PTDSS2: variants seen among roughly 807,000 people sequenced by gnomAD.
PTDSS2 encodes the protein phosphatidylserine synthase 2.
In PTDSS2, 41 loss-of-function variants were observed where a neutral mutation model predicts 64.7. The ratio of observed to expected loss-of-function variants is 0.63; its 90% CI spans 0.49 to 0.82. The LOEUF is 0.82. PTDSS2 is among the 40% of genes least tolerant of loss of function. The probability of loss-of-function intolerance (pLI) is 0.00; values close to 1 mark genes in which losing one functional copy is unlikely to be tolerated. For synonymous variants in PTDSS2, 297 were observed against 277.8 expected, an observed-to-expected ratio of 1.07 and a Z score of -0.69; for missense variants, 485 against 650.0, an observed-to-expected ratio of 0.75 and a Z score of 2.76.
chr11:474,405 G>A (rs570901050), intron 3 of PTDSS2, among the ~76,000 whole-genome samples: 18 of 141,684 alleles, frequency 1.3e-4, no homozygotes, highest in Non-Finnish European at 2.3e-4. Context: ...GGGTGAGGGC[G>A]CCAGATGGGG....
At chr11:475,294 G>GTGTGATATGGACATATTCACGCTTT (rs1847728703) in intron 3 of PTDSS2, among the ~76,000 whole-genome samples, 2 of 149,424 alleles carry the variant, frequency 1.3e-5, no homozygotes, top group African/African-American at 5.0e-5. Context: ...TCACGCGTTT[G>GTGTGATATGGACATATTCACGCTTT]TGTGATACGG....
chr11:457,993 T>G (rs1194937140), intron 1 of PTDSS2, among the ~76,000 whole-genome samples: 1 of 152,210 alleles, frequency 6.6e-6, no homozygotes, highest in African/African-American at 2.4e-5. Flanking sequence ...TGTGATGCTT[T>G]TAATTTCAGC....
At chr11:450,192 A>C (rs965691985), upstream of PTDSS2, 13 of 343,006 alleles carry the variant, frequency 3.8e-5, no homozygotes, top group Non-Finnish European at 5.8e-5. Flanking sequence ...CCCAGCAACC[A>C]GGCGTCATCC....
Position 455,815 on chromosome 11 carries a change from G to A in PTDSS2, c.183-4372G>A, listed in dbSNP as rs186973235. Among the ~76,000 whole-genome samples, 315 of 152,326 alleles carry A rather than the reference G, an allele frequency of 2.1e-3. 2 individuals carry two copies. Among genetic ancestry groups the A allele is most frequent in the African/African-American group, 7.1e-3 (297 of 41,568 alleles). ...TCCCTCTTTTGTTTTTCTCTATAACGTGTAGGGTTTCTTAGCTCTCCTGTA... is the reference window on the plus strand; with the variant it reads ...TCCCTCTTTTGTTTTTCTCTATAACATGTAGGGTTTCTTAGCTCTCCTGTA... On this transcript the variant is annotated intron_variant, in intron 1 of 11. Coordinates refer to ENST00000308020, the MANE Select transcript of PTDSS2 (RefSeq NM_030783.3).
chr11:479,442 A>C lies in PTDSS2; in HGVS notation c.435+290A>C. On this transcript the variant is annotated intron_variant, in intron 4 of 11. Transcript: ENST00000308020. The surrounding 1 kb of genome is among the most constrained non-coding windows in gnomAD (Gnocchi z 4.2). ...GTGGCCATTTAGCAGGGCCACACTT[A>C]AGGAGGGCAGGGCCAGTGGTGCAGG... 1 of 512,534 alleles carries C rather than the reference A, an allele frequency of 2.0e-6. No homozygotes were observed. 31.7% of individuals were successfully genotyped at this position (512,534 alleles called of 1,614,324 possible).
chr11:454,087 G>A (rs1029456775), intron 1 of PTDSS2, among the ~76,000 whole-genome samples: 3 of 152,248 alleles, frequency 2.0e-5, no homozygotes, highest in Admixed American at 1.3e-4. Flanking sequence ...TCACTTCCAA[G>A]ATGTGTAGAC....
intron 5 of PTDSS2, 67 bp from the exon 6 acceptor site, chr11:487,353 A>G: frequency 3.5e-6 from 5 of 1,433,584 alleles, no homozygotes; most frequent in Non-Finnish European, 4.9e-6. Context: ...GTGTGGGCTG[A>G]TCTGCCGGTG....
upstream of PTDSS2, among the ~76,000 whole-genome samples, chr11:449,954 G>T (rs1846240153): frequency 6.6e-6 from 1 of 152,176 alleles, no homozygotes; most frequent in South Asian, 2.1e-4. Flanking sequence ...TCTCAAAAAG[G>T]AATGACCCGG....
intron 1 of PTDSS2, among the ~76,000 whole-genome samples, chr11:452,664 G>A (rs948339421): frequency 4.6e-5 from 7 of 152,224 alleles, no homozygotes; most frequent in East Asian, 1.9e-4. Context: ...CCCTGTCCCT[G>A]TAGAGACGCA....
chr11:482,793 C>T (rs1564987933), intron 4 of PTDSS2, among the ~76,000 whole-genome samples: 1 of 150,112 alleles, frequency 6.7e-6, no homozygotes, highest in Non-Finnish European at 1.5e-5. Context: ...GTAGATCTCC[C>T]TACCGAGTGG....
chr11:460,004 C>T lies in PTDSS2; in HGVS notation c.183-183C>T. 1 of 589,962 alleles carries T rather than the reference C, an allele frequency of 1.7e-6. No individual in the cohort carries two copies. 36.5% of individuals were successfully genotyped at this position (589,962 alleles called of 1,614,324 possible). A position where few individuals can be genotyped will look rare whatever the true frequency, so the allele number is the denominator to read the frequency against. ...GGGGCTGGTCTCAGCCCTGACTGGC[C>T]AGCAGACGCAGGGTCATCTCGGAGT... is the stretch of plus-strand genomic sequence containing the variant. On this transcript the variant is annotated intron_variant, in intron 1 of 11. Transcript: ENST00000308020. The surrounding 1 kb of genome is among the most constrained non-coding windows in gnomAD (Gnocchi z 5.8).
rs150350257 is a variant in PTDSS2 at position 462,708 on chromosome 11, G to T, written c.284+2420G>T. On this transcript the variant is annotated intron_variant, in intron 2 of 11. Coordinates refer to ENST00000308020, the MANE Select transcript of PTDSS2 (RefSeq NM_030783.3). This position sits in a 1 kb window ranked among gnomAD's most constrained non-coding sequence, Gnocchi z 4.5. Reference sequence around the variant, plus strand: ...ACACCAGAAGCCCAGCTCCTGGGCAGCCACCCTACCTGCCCCTACGCAGGG... The same window carrying T: ...ACACCAGAAGCCCAGCTCCTGGGCATCCACCCTACCTGCCCCTACGCAGGG... 3.9e-5 allele frequency among the ~76,000 whole-genome samples: 6 copies of T among 152,298 alleles called. No homozygotes were observed. The highest frequency in any genetic ancestry group is 6.8e-3 in the Middle Eastern group (2 of 294).
In PTDSS2 at chr11:479,603, G is replaced by C. The variant is rs1041980472; in HGVS notation, c.435+451G>C. On this transcript the variant is annotated intron_variant, in intron 4 of 11. Coordinates refer to ENST00000308020, the MANE Select transcript of PTDSS2 (RefSeq NM_030783.3). The surrounding 1 kb of genome is among the most constrained non-coding windows in gnomAD (Gnocchi z 4.2). ...TGCGATGCAGGCCAGCGTCTGCATG[G>C]CCGGGGCAAATCTGGGCCTCAGAGG... Among the ~76,000 whole-genome samples, 4 of 152,262 alleles carry C rather than the reference G, an allele frequency of 2.6e-5. No homozygotes were observed. The highest frequency in any genetic ancestry group is 9.6e-5 in the African/African-American group (4 of 41,470).
At chr11:489,300 C>T in intron 8 of PTDSS2, 100 bp from the exon 9 acceptor site, 3 of 983,834 alleles carry the variant, frequency 3.0e-6, no homozygotes, top group Admixed American at 2.0e-5. Context: ...TCCGATGGCA[C>T]AGGGCGGGGC....
chr11:487,980 G>A (rs1218945939), intron 6 of PTDSS2, among the ~76,000 whole-genome samples: 2 of 151,936 alleles, frequency 1.3e-5, no homozygotes, highest in Non-Finnish European at 2.9e-5. Flanking sequence ...GCTGCCAGCC[G>A]GGGTGGGGGC....
intron 4 of PTDSS2, among the ~76,000 whole-genome samples, chr11:484,623 G>A (rs2133827146): frequency 6.6e-6 from 1 of 151,830 alleles, no homozygotes; most frequent in Admixed American, 6.5e-5. Context: ...GCAGGCATCT[G>A]TAAACAGTGC....
chr11:450,486 G>T lies in PTDSS2; in HGVS notation c.31G>T (p.Gly11Cys), dbSNP rs1846264992. 3.2e-6 allele frequency: 4 copies of T among 1,235,058 alleles called. No homozygotes were observed. The highest frequency in any genetic ancestry group is 3.1e-5 in the African/African-American group (2 of 64,208). 76.5% of individuals were successfully genotyped at this position (1,235,058 alleles called of 1,614,324 possible). A position where few individuals can be genotyped will look rare whatever the true frequency, so the allele number is the denominator to read the frequency against. The change falls in exon 1 of 12, where the codon GGT becomes TGT. Residue 11 changes from glycine to cysteine, a missense_variant. By Grantham distance (159) the Gly-to-Cys change is radical. Coordinates refer to ENST00000308020, the MANE Select transcript of PTDSS2 (RefSeq NM_030783.3). ...GAGGGGCGAGCGCAGGGACGCCGGA[G>T]GTCCGCGGCCCGAGTCCCCGGTGCC... MRRGERRDAG[G>C]PRPESPVPAG...
At chr11:463,978 CTTTTTCTTTTT>C (rs1370039821) in intron 2 of PTDSS2, 8 of 151,494 alleles carry the variant, frequency 5.3e-5, no homozygotes, top group African/African-American at 1.5e-4. Flanking sequence ...GGATGATTTT[CTTTTTCTTTTT>C]TTTTTCTTTT....
intron 1 of PTDSS2, among the ~76,000 whole-genome samples, chr11:454,363 C>T (rs7945673): frequency 0.032 from 4,903 of 152,248 alleles, 276 homozygotes; most frequent in African/African-American, 0.11. Flanking sequence ...CGAAGGGTTA[C>T]CTTTATATTT....
Sources: allele counts gnomAD v4.1 joint callset (sites outside exome capture counted in the v4.1 genomes callset), GRCh38; gene constraint gnomAD v4.1.1; non-coding constraint Gnocchi (gnomAD v3.1); transcripts MANE v1.5; gene names NCBI Gene and HGNC (gene_info 2026-07-23, HGNC 2026-07-21).